Variants in GATAD2A observed in about 807,000 individuals in gnomAD.
The protein encoded by GATAD2A is transcriptional repressor p66-alpha.
GATAD2A carries 12 observed loss-of-function variants against 68.5 expected under a neutral mutation model. That is an observed-to-expected ratio of 0.18 (90% confidence interval 0.11 to 0.28). GATAD2A has a LOEUF of 0.28. Among genes scored for constraint, GATAD2A ranks in the 10% least tolerant of loss-of-function variants. GATAD2A has a pLI of 1.00. For synonymous variants in GATAD2A, 410 were observed against 375.3 expected, an observed-to-expected ratio of 1.09 and a Z score of -1.07; for missense variants, 755 against 868.5, an observed-to-expected ratio of 0.87 and a Z score of 1.64.
At chr19:19,403,952 A>C (rs1200110004), upstream of GATAD2A, among the ~76,000 whole-genome samples, 1 of 152,196 alleles carries the variant, frequency 6.6e-6, no homozygotes, top group Non-Finnish European at 1.5e-5. Flanking sequence ...GAATTTGAAC[A>C]TTTGAATTTC....
intron 1 of GATAD2A, chr19:19,440,395 C>T (rs561067426): frequency 1.5e-4 from 30 of 203,170 alleles, no homozygotes; most frequent in Admixed American, 7.1e-4. Flanking sequence ...CTCAGCCTCC[C>T]GAGTAGCTGG....
At chr19:19,449,693 G>A (rs1288628913) in intron 1 of GATAD2A, among the ~76,000 whole-genome samples, 1 of 152,112 alleles carries the variant, frequency 6.6e-6, no homozygotes, top group Non-Finnish European at 1.5e-5. Flanking sequence ...GACCTCGGGA[G>A]GCTAAGGTGG....
intron 1 of GATAD2A, among the ~76,000 whole-genome samples, chr19:19,435,922 G>T (rs1037201934): frequency 1.3e-5 from 2 of 152,146 alleles, no homozygotes; most frequent in African/African-American, 4.8e-5. Flanking sequence ...GGCGTTCATT[G>T]GTTAGCACTG....
intron 1 of GATAD2A, among the ~76,000 whole-genome samples, chr19:19,451,175 C>T (rs974723441): frequency 6.6e-6 from 1 of 151,760 alleles, no homozygotes; most frequent in African/African-American, 2.4e-5. Flanking sequence ...GAGATTGAGA[C>T]CATCCTGGCC....
Position 19,492,574 on chromosome 19 carries a change from C to G in GATAD2A, c.403-7C>G. On this transcript the variant is annotated splice_region_variant and splice_polypyrimidine_tract_variant and intron_variant, in intron 3 of 11. Transcript: ENST00000683918. ...CCCTCTCAACCCTGTTCCTCTCGCC[C>G]CTGCAGAAAAGCAGTCCTGAAGAAC... is the stretch of plus-strand genomic sequence containing the variant. 6.2e-7 allele frequency: 1 copy of G among 1,614,198 alleles called. No homozygotes were observed. Among genetic ancestry groups the G allele is most frequent in the Non-Finnish European group, 8.5e-7 (1 of 1,180,020 alleles).
chr19:19,481,354 A>G (rs1157319787), intron 2 of GATAD2A, among the ~76,000 whole-genome samples: 4 of 152,154 alleles, frequency 2.6e-5, no homozygotes, highest in Non-Finnish European at 4.4e-5. Flanking sequence ...TTTAAAAGAC[A>G]GGGTCTTGCT....
intron 1 of GATAD2A, among the ~76,000 whole-genome samples, chr19:19,457,575 C>G (rs1010078682): frequency 1.3e-5 from 2 of 151,998 alleles, no homozygotes; most frequent in Non-Finnish European, 2.9e-5. Context: ...CCTGTCTCTA[C>G]TAAAAAATAC....
intron 1 of GATAD2A, among the ~76,000 whole-genome samples, chr19:19,464,251 C>A (rs1475767268): frequency 1.3e-5 from 2 of 152,250 alleles, no homozygotes; most frequent in Non-Finnish European, 2.9e-5. Context: ...CCAACTGTCC[C>A]ATGGAAAACT....
chr19:19,441,944 C>G (rs935069491), intron 1 of GATAD2A, among the ~76,000 whole-genome samples: 5 of 152,050 alleles, frequency 3.3e-5, no homozygotes, highest in African/African-American at 9.7e-5. Context: ...TCACCACAAC[C>G]TTTGCCTCCT....
At chr19:19,436,274 C>A in intron 1 of GATAD2A, 1 of 929,238 alleles carries the variant, frequency 1.1e-6, no homozygotes, top group Non-Finnish European at 1.6e-6. Flanking sequence ...ATCCAGCAGG[C>A]TTCGGTCAGC....
chr19:19,431,648 C>T (rs1411103738), intron 1 of GATAD2A, among the ~76,000 whole-genome samples: 1 of 148,748 alleles, frequency 6.7e-6, no homozygotes, highest in African/African-American at 2.5e-5. Context: ...GAGCCGAGAT[C>T]GCACCACTGC....
intron 1 of GATAD2A, among the ~76,000 whole-genome samples, chr19:19,459,641 C>T (rs1410340396): frequency 1.3e-5 from 2 of 152,236 alleles, no homozygotes; most frequent in Admixed American, 1.3e-4. Flanking sequence ...ATTTAAGCTG[C>T]ATGGACATCT....
At chr19:19,429,922 C>T (rs1048747486) in intron 1 of GATAD2A, among the ~76,000 whole-genome samples, 3 of 152,062 alleles carry the variant, frequency 2.0e-5, no homozygotes, top group African/African-American at 7.2e-5. Context: ...AGAGCGGGGA[C>T]TGCTCAGGGA....
chr19:19,464,938 G>A, intron 1 of GATAD2A: 2 of 288,044 alleles, frequency 6.9e-6, no homozygotes, highest in East Asian at 1.7e-4. Context: ...CTGGATTCCA[G>A]ACATTGCAGG....
chr19:19,449,285 C>T lies in GATAD2A; in HGVS notation c.-6-16055C>T, dbSNP rs78565660. On this transcript the variant is annotated intron_variant, in intron 1 of 11. Coordinates refer to ENST00000683918, the MANE Select transcript of GATAD2A (RefSeq NM_001384528.1). ...ATGCCCAAAACAGCTTTGCTCTGCA[C>T]AGGGTGCTGGAGTGAGAGGCTACCA... 4.7e-3 allele frequency among the ~76,000 whole-genome samples: 709 copies of T among 152,278 alleles called. 3 individuals are homozygous for T. The highest frequency in any genetic ancestry group is 8.3e-3 in the Non-Finnish European group (562 of 68,034).
intron 2 of GATAD2A, among the ~76,000 whole-genome samples, chr19:19,469,616 CT>C (rs1470640172): frequency 5.3e-5 from 8 of 152,072 alleles, no homozygotes; most frequent in Admixed American, 6.6e-5. Context: ...ATCTAAATAC[CT>C]CAATCAAAAG....
chr19:19,497,175 C>T (rs544835260), intron 7 of GATAD2A, among the ~76,000 whole-genome samples: 1 of 152,306 alleles, frequency 6.6e-6, no homozygotes, highest in East Asian at 1.9e-4. Flanking sequence ...GATCTTGGCT[C>T]ACTGCAACCT....
chr19:19,490,445 T>C (rs1411902361), intron 2 of GATAD2A, among the ~76,000 whole-genome samples: 1 of 152,124 alleles, frequency 6.6e-6, no homozygotes, highest in African/African-American at 2.4e-5. Context: ...GCGACTCTCC[T>C]CAACCCTGCC....
chr19:19,456,355 C>T (rs2056932304), intron 1 of GATAD2A, among the ~76,000 whole-genome samples: 1 of 152,126 alleles, frequency 6.6e-6, no homozygotes, highest in South Asian at 2.1e-4. Flanking sequence ...AGACAGCCTC[C>T]CTCCAGCAGA....
Sources: gnomAD v4.1 joint callset for allele counts (sites outside exome capture counted in the v4.1 genomes callset) on GRCh38, gnomAD v4.1.1 for gene constraint, MANE v1.5 for transcripts, NCBI Gene and HGNC (gene_info 2026-07-23, HGNC 2026-07-21) for gene names.